Variants in CCNY observed in about 807,000 individuals in gnomAD.
The protein encoded by CCNY is cyclin-Y.
A neutral mutation model predicts 42.8 loss-of-function variants in CCNY; 19 were observed. The ratio of observed to expected loss-of-function variants is 0.44; its 90% CI spans 0.31 to 0.65. CCNY has a LOEUF of 0.65. CCNY is among the 30% of genes least tolerant of loss of function. The pLI is 0.07. For synonymous variants in CCNY, 165 were observed against 162.7 expected, an observed-to-expected ratio of 1.01 and a Z score of -0.11; for missense variants, 370 against 437.3, an observed-to-expected ratio of 0.85 and a Z score of 1.37.
chr10:35,422,431 C>T (rs1301678208), intron 1 of CCNY, among the ~76,000 whole-genome samples: 1 of 152,208 alleles, frequency 6.6e-6, no homozygotes, highest in East Asian at 1.9e-4. Context: ...AGCTCTGTAA[C>T]CTCTCTGACC....
At chr10:35,347,195 A>C (rs948367338) in intron 1 of CCNY, among the ~76,000 whole-genome samples, 1 of 152,298 alleles carries the variant, frequency 6.6e-6, no homozygotes, top group East Asian at 1.9e-4. Flanking sequence ...GTGGGGCTTC[A>C]CTGGGTATGG....
chr10:35,547,711 G>A (rs541836211), intron 7 of CCNY, among the ~76,000 whole-genome samples: 1 of 152,270 alleles, frequency 6.6e-6, no homozygotes, highest in South Asian at 2.1e-4. Context: ...CTGTGTGGAT[G>A]CGGTCCCTTG....
At chr10:35,453,568 A>G (rs558442819) in intron 1 of CCNY, among the ~76,000 whole-genome samples, 9 of 152,380 alleles carry the variant, frequency 5.9e-5, no homozygotes, top group African/African-American at 1.7e-4. Flanking sequence ...CTGTATGACA[A>G]GGTATTAATA....
chr10:35,306,984 C>T (rs1351200819), intron 3 of CCNY, among the ~76,000 whole-genome samples: 1 of 151,986 alleles, frequency 6.6e-6, no homozygotes. Flanking sequence ...AAGTTCTCTC[C>T]TACTCACCTG....
chr10:35,359,974 G>T, intron 1 of CCNY, among the ~76,000 whole-genome samples: 1 of 152,156 alleles, frequency 6.6e-6, no homozygotes, highest in East Asian at 1.9e-4. Context: ...ATGTTTTATT[G>T]TATGGATATA....
rs186213928 is a variant in CCNY at position 35,271,251 on chromosome 10, C to T, written c.-9+20625C>T. 1.3e-3 allele frequency among the ~76,000 whole-genome samples: 196 copies of T among 152,170 alleles called. 1 individual carries two copies. Among genetic ancestry groups the T allele is most frequent in the Non-Finnish European group, 9.4e-4 (64 of 67,986 alleles). ...ACCACAACTTAATAGAGCAGAAACC[C>T]ACAAACAAAAATCTCCCCAGGAATC... On this transcript the variant is annotated intron_variant, in intron 3 of 11. Transcript: ENST00000374706.
intron 3 of CCNY, among the ~76,000 whole-genome samples, chr10:35,253,986 C>T (rs2095713790): frequency 6.6e-6 from 1 of 151,740 alleles, no homozygotes; most frequent in Admixed American, 6.6e-5. Flanking sequence ...CGCCATTCTC[C>T]TGCCTCAGCC....
chr10:35,267,081 C>T (rs542413104), intron 3 of CCNY, among the ~76,000 whole-genome samples: 29 of 119,838 alleles, frequency 2.4e-4, no homozygotes, highest in Non-Finnish European at 3.6e-4. Context: ...AGACTTCTGT[C>T]TCAAAAAAAA....
intron 8 of CCNY, among the ~76,000 whole-genome samples, chr10:35,558,013 T>C (rs1223331744): frequency 2.6e-5 from 4 of 152,076 alleles, no homozygotes; most frequent in African/African-American, 9.7e-5. Context: ...CACTCAAGTC[T>C]TAAAACAGTT....
Position 35,336,686 on chromosome 10 carries a change from C to T in CCNY, c.-368C>T, listed in dbSNP as rs1054866717. On this transcript the variant is annotated 5_prime_UTR_variant, in exon 1 of 10. Transcript: ENST00000374704. ...GCCGCAGCCGCCGGGGAAGCGGACA[C>T]CAACTGGGGAAGCGCGGGGGGGAGG... is the stretch of plus-strand genomic sequence containing the variant. 3.4e-5 allele frequency among the ~76,000 whole-genome samples: 5 copies of T among 147,584 alleles called. No homozygotes were observed. Among genetic ancestry groups the T allele is most frequent in the Admixed American group, 2.0e-4 (3 of 14,874 alleles).
At chr10:35,401,982 G>A (rs1837654951) in intron 1 of CCNY, among the ~76,000 whole-genome samples, 1 of 152,146 alleles carries the variant, frequency 6.6e-6, no homozygotes, top group African/African-American at 2.4e-5. Flanking sequence ...AGGTCACTGG[G>A]AATATGATGG....
chr10:35,426,113 A>T (rs74135132), intron 1 of CCNY, among the ~76,000 whole-genome samples: 1 of 41,852 alleles, frequency 2.4e-5, no homozygotes, highest in African/African-American at 1.3e-4. Context: ...CAGCACGCGC[A>T]CACACACACA....
chr10:35,527,533 A>C (rs937326560), intron 5 of CCNY, among the ~76,000 whole-genome samples: 3 of 152,198 alleles, frequency 2.0e-5, no homozygotes, highest in Non-Finnish European at 2.9e-5. Context: ...TGGTATCTTC[A>C]TTTTACAGAT....
intron 1 of CCNY, among the ~76,000 whole-genome samples, chr10:35,459,886 C>T (rs777961078): frequency 2.6e-5 from 4 of 152,064 alleles, no homozygotes; most frequent in African/African-American, 4.8e-5. Flanking sequence ...TACTTTATAC[C>T]AGGACTAACA....
intron 3 of CCNY, among the ~76,000 whole-genome samples, chr10:35,258,528 C>G (rs1028226819): frequency 3.9e-5 from 6 of 152,208 alleles, no homozygotes; most frequent in Non-Finnish European, 8.8e-5. Context: ...CCACCTGCTT[C>G]TTTTTGCCTC....
At chr10:35,442,296 A>G (rs1482460800) in intron 1 of CCNY, among the ~76,000 whole-genome samples, 1 of 152,238 alleles carries the variant, frequency 6.6e-6, no homozygotes, top group Non-Finnish European at 1.5e-5. Context: ...GTAACCTTGA[A>G]TGCTAAGCTT....
At chr10:35,494,384 A>G (rs1032536652) in intron 2 of CCNY, among the ~76,000 whole-genome samples, 1 of 152,208 alleles carries the variant, frequency 6.6e-6, no homozygotes, top group Admixed American at 6.5e-5. Context: ...TAGAATACAC[A>G]GCACTTTAAG....
chr10:35,496,277 G>A (rs1840001159), intron 2 of CCNY, among the ~76,000 whole-genome samples: 1 of 152,168 alleles, frequency 6.6e-6, no homozygotes, highest in African/African-American at 2.4e-5. Flanking sequence ...TTTTTAAATG[G>A]GACTCGTTTT....
At chr10:35,380,896 G>A (rs1203772922) in intron 1 of CCNY, among the ~76,000 whole-genome samples, 2 of 152,170 alleles carry the variant, frequency 1.3e-5, no homozygotes, top group Non-Finnish European at 2.9e-5. Context: ...GTGATTTTCT[G>A]TGGCTTTTCT....
Sources: gnomAD v4.1 joint callset for allele counts (sites outside exome capture counted in the v4.1 genomes callset) on GRCh38, gnomAD v4.1.1 for gene constraint, MANE v1.5 for transcripts, NCBI Gene and HGNC (gene_info 2026-07-23, HGNC 2026-07-21) for gene names.